The following C1orf87 variants were observed in gnomAD, a reference collection of about 807,000 sequenced individuals.
C1orf87 encodes the protein uncharacterized protein C1orf87.
Under a neutral mutation model 60.5 loss-of-function variants are expected in C1orf87, and 58 were observed. The ratio of observed to expected loss-of-function variants is 0.96; its 90% CI spans 0.78 to 1.19. The LOEUF is 1.19. Ranked by LOEUF, C1orf87 falls within the 50% of genes most tolerant of loss-of-function variation. The probability of loss-of-function intolerance (pLI) is 0.00; values close to 1 mark genes in which losing one functional copy is unlikely to be tolerated. For synonymous variants in C1orf87, 236 were observed against 227.4 expected, an observed-to-expected ratio of 1.04 and a Z score of -0.34; for missense variants, 673 against 638.6, an observed-to-expected ratio of 1.05 and a Z score of -0.58.
At position 60,005,096 on chromosome 1, in the gene C1orf87, T is replaced by C. The variant is rs574215612; in HGVS notation, c.1193-3940A>G. ...TAAAAGCTTCTGGCTTCAGTGGGCCTACTGAATGAAGCTTTTGTGAGAAGG... is the reference window on the plus strand; with the variant it reads ...TAAAAGCTTCTGGCTTCAGTGGGCCCACTGAATGAAGCTTTTGTGAGAAGG... On this transcript the variant is annotated intron_variant, in intron 9 of 11. Transcript: ENST00000371201. Among the ~76,000 whole-genome samples, 4 of 152,196 alleles carry C rather than the reference T, an allele frequency of 2.6e-5. No homozygotes were observed. In the East Asian group the frequency reaches 7.8e-4, roughly 30 times the overall value.
intron 2 of C1orf87, among the ~76,000 whole-genome samples, chr1:60,060,009 A>C (rs995944915): frequency 6.6e-6 from 1 of 152,194 alleles, no homozygotes; most frequent in African/African-American, 2.4e-5. Context: ...ACCAAACTCC[A>C]CAGGGAAGCT....
chr1:60,064,844 A>G (rs1478894670), intron 2 of C1orf87, among the ~76,000 whole-genome samples: 1 of 89,946 alleles, frequency 1.1e-5, no homozygotes, highest in Non-Finnish European at 2.0e-5. Context: ...ATATAATTAT[A>G]TATTTATATA....
intron 11 of C1orf87, 59 bp from the exon 12 acceptor site, chr1:59,990,892 A>G: frequency 1.2e-5 from 19 of 1,533,034 alleles, no homozygotes; most frequent in Non-Finnish European, 1.7e-5. Context: ...AAAACAGAGA[A>G]AACTATATAT....
intron 2 of C1orf87, among the ~76,000 whole-genome samples, chr1:60,060,687 C>T (rs1645490678): frequency 6.6e-6 from 1 of 151,848 alleles, no homozygotes; most frequent in African/African-American, 2.4e-5. Context: ...TTAGAAATCA[C>T]CCCCCCTTTA....
rs376237022 is a variant in C1orf87, at chr1:60,055,188, A to G, written c.342+16T>C. 3.8e-5 allele frequency: 60 copies of G among 1,583,538 alleles called. No individual in the cohort carries two copies. The African/African-American group carries it at 7.0e-4, about 19-fold the overall frequency. On this transcript the variant is annotated intron_variant, in intron 3 of 11. Coordinates refer to ENST00000371201, the MANE Select transcript of C1orf87 (RefSeq NM_152377.3). ...ATAAATTATCAAGATAAACGTGGGT[A>G]TTTTTTGTCACTCACATTGCCATCC...
At chr1:60,035,170 C>G (rs1297386876) in intron 6 of C1orf87, among the ~76,000 whole-genome samples, 2 of 152,154 alleles carry the variant, frequency 1.3e-5, no homozygotes, top group Non-Finnish European at 2.9e-5. Context: ...GCTTTACCAG[C>G]CTCTCTTTGC....
At chr1:60,017,792 G>A (rs922118389) in intron 8 of C1orf87, among the ~76,000 whole-genome samples, 2 of 152,038 alleles carry the variant, frequency 1.3e-5, no homozygotes, top group Non-Finnish European at 2.9e-5. Context: ...TCTCAAAATC[G>A]CCTTATCCTG....
intron 3 of C1orf87, among the ~76,000 whole-genome samples, chr1:60,046,236 T>A: frequency 8.1e-6 from 1 of 123,654 alleles, no homozygotes; most frequent in South Asian, 3.3e-4. Context: ...CCCCCTCCCC[T>A]TCCTTCCTTC....
chr1:60,039,950 A>C lies in C1orf87; in HGVS notation c.714T>G (p.Cys238Trp). The C allele has an allele frequency of 6.2e-7, 1 of 1,614,066 alleles. No homozygotes were observed. Among genetic ancestry groups the C allele is most frequent in the Non-Finnish European group, 8.5e-7 (1 of 1,179,976 alleles). ...GAGAACCCCTCTTAGAAAATCTCTG[A>C]CAAAGGATTTTAACTGTTGGTAACT... ...PLQLPTVKIL[C>W]QRFSKRGSPE... is the part of the protein sequence containing the mutation. Residue 238 changes from cysteine to tryptophan, a missense_variant, in exon 5 of 12, where the codon TGT (cysteine) becomes TGG (tryptophan). Coordinates refer to ENST00000371201, the MANE Select transcript of C1orf87 (RefSeq NM_152377.3).
At chr1:60,041,608 A>G (rs1490454581) in intron 3 of C1orf87, among the ~76,000 whole-genome samples, 1 of 152,238 alleles carries the variant, frequency 6.6e-6, no homozygotes, top group Non-Finnish European at 1.5e-5. Flanking sequence ...TGATAGAATT[A>G]GGATCAATAA....
intron 3 of C1orf87, among the ~76,000 whole-genome samples, chr1:60,043,588 C>T (rs1479879547): frequency 6.6e-6 from 1 of 151,938 alleles, no homozygotes; most frequent in Non-Finnish European, 1.5e-5. Context: ...GATTTCACCA[C>T]GTTGGCCAGG....
chr1:59,996,660 C>A (rs1644965463), intron 11 of C1orf87, among the ~76,000 whole-genome samples: 1 of 152,190 alleles, frequency 6.6e-6, no homozygotes, highest in African/African-American at 2.4e-5. Flanking sequence ...CTACTTCATT[C>A]CTTTGTGACC....
chr1:60,046,279 CTTCT>C (rs575638765), intron 3 of C1orf87, among the ~76,000 whole-genome samples: 5 of 131,550 alleles, frequency 3.8e-5, no homozygotes, highest in African/African-American at 8.6e-5. Flanking sequence ...TCTTTCTCTC[CTTCT>C]TTCTTTCTCT....
rs545415650 is a variant in C1orf87, at chr1:60,018,818, T to G, written c.1127+6583A>C. Among the ~76,000 whole-genome samples the G allele has an allele frequency of 1.1e-3, 173 of 152,370 alleles. 1 individual carries two copies. The highest frequency in any genetic ancestry group is 2.2e-3 in the Admixed American group (33 of 15,308). On this transcript the variant is annotated intron_variant, in intron 8 of 11. Transcript: ENST00000371201. ...CCTCATTATTCATATGTTCATCGAT[T>G]GATGTGGCTCATAACCTTTACCCTT...
chr1:60,024,030 A>T (rs1028993338), intron 8 of C1orf87, among the ~76,000 whole-genome samples: 1 of 152,136 alleles, frequency 6.6e-6, no homozygotes, highest in Non-Finnish European at 1.5e-5. Context: ...CTTGAACAGG[A>T]GAAGTGTATT....
At chr1:60,037,919 G>A in intron 6 of C1orf87, 73 bp downstream of exon 6, 5 of 913,316 alleles carry the variant, frequency 5.5e-6, no homozygotes, top group Non-Finnish European at 8.4e-6. Context: ...CCAGTTTATG[G>A]TACTTTTTTA....
At chr1:60,040,663 G>A (rs1423157882) in intron 4 of C1orf87, among the ~76,000 whole-genome samples, 1 of 152,130 alleles carries the variant, frequency 6.6e-6, no homozygotes, top group Non-Finnish European at 1.5e-5. Context: ...AAATTTTTAA[G>A]GTTTGTCTGT....
intron 1 of C1orf87, 30 bp from the exon 2 acceptor site, chr1:60,072,700 C>T (rs1574334831): frequency 1.6e-6 from 2 of 1,227,030 alleles, no homozygotes; most frequent in Non-Finnish European, 2.3e-6. Flanking sequence ...AATTGTTCCT[C>T]TTGATTTTCC....
At chr1:60,064,547 T>C (rs1423780367) in intron 2 of C1orf87, among the ~76,000 whole-genome samples, 1 of 127,112 alleles carries the variant, frequency 7.9e-6, no homozygotes, top group Admixed American at 1.0e-4. Flanking sequence ...AATCATTATA[T>C]ATATTTTATA....
Sources: gnomAD v4.1 joint callset for allele counts (sites outside exome capture counted in the v4.1 genomes callset) on GRCh38, gnomAD v4.1.1 for gene constraint, MANE v1.5 for transcripts, NCBI Gene and HGNC (gene_info 2026-07-23, HGNC 2026-07-21) for gene names.